Variants in LSMEM2 observed in about 807,000 individuals in gnomAD.
The protein encoded by LSMEM2 is leucine-rich single-pass membrane protein 2.
LSMEM2 carries 20 observed loss-of-function variants against 17.3 expected under a neutral mutation model. The observed-to-expected ratio is 1.16, with a 90% CI of 0.81 to 1.68. LSMEM2 has a LOEUF of 1.68. LSMEM2 is among the 40% of genes most tolerant of loss of function. The pLI is 0.00. For missense variants in LSMEM2, 207 were observed against 214.3 expected, an observed-to-expected ratio of 0.97 and a Z score of 0.21; for synonymous variants, 94 against 97.8, an observed-to-expected ratio of 0.96 and a Z score of 0.23.
chr3:50,281,001 C>A (rs1312108059), intron 1 of LSMEM2, among the ~76,000 whole-genome samples: 6 of 151,822 alleles, frequency 4.0e-5, no homozygotes, highest in African/African-American at 9.7e-5. Context: ...CTGTAATAAA[C>A]AATTCACATT....
rs1453639234 is a variant in LSMEM2, at chr3:50,287,248, A to G, written c.*46A>G. The G allele has an allele frequency of 6.2e-7, 1 of 1,608,276 alleles. No individual in the cohort carries two copies. Among genetic ancestry groups the G allele is most frequent in the Non-Finnish European group, 8.5e-7 (1 of 1,177,344 alleles). ...CCTGGGGGTGTGTGTTGGTGGGGGA[A>G]TAAAGTGGCTATGGGCAGGTCTCTC... is the stretch of plus-strand genomic sequence containing the variant. On this transcript the variant is annotated 3_prime_UTR_variant, in exon 4 of 4. Transcript: ENST00000316436.
chr3:50,285,875 C>G (rs1347519561), intron 1 of LSMEM2, among the ~76,000 whole-genome samples: 1 of 151,514 alleles, frequency 6.6e-6, no homozygotes. Flanking sequence ...CTGCAAACAA[C>G]CTAGATGCCC....
intron 1 of LSMEM2, among the ~76,000 whole-genome samples, chr3:50,280,595 CTTTTTTTTTTTT>C (rs58315474): frequency 2.9e-5 from 4 of 136,380 alleles, no homozygotes; most frequent in Non-Finnish European, 6.4e-5. Flanking sequence ...CCTTTCTTTT[CTTTTTTTTTTTT>C]TTTTGAGATG....
At chr3:50,279,007 C>G, upstream of LSMEM2, 1 of 1,166,076 alleles carries the variant, frequency 8.6e-7, no homozygotes, top group Non-Finnish European at 1.3e-6. Context: ...TAAATATAGC[C>G]CAGTGGGCTG....
chr3:50,282,331 A>G (rs1701421028), intron 1 of LSMEM2, among the ~76,000 whole-genome samples: 2 of 152,214 alleles, frequency 1.3e-5, no homozygotes, highest in African/African-American at 2.4e-5. Context: ...CCACCCAGAC[A>G]TAATGACTGG....
intron 3 of LSMEM2, 78 bp downstream of exon 3, chr3:50,286,940 G>T: frequency 1.3e-6 from 2 of 1,586,828 alleles, no homozygotes; most frequent in Non-Finnish European, 1.7e-6. Flanking sequence ...CAGCTGGAAG[G>T]AGTAACTGCA....
At chr3:50,280,300 A>T (rs587710168) in intron 1 of LSMEM2, among the ~76,000 whole-genome samples, 1 of 149,434 alleles carries the variant, frequency 6.7e-6, no homozygotes, top group East Asian at 2.0e-4. Context: ...GATTACAGGC[A>T]TGTGCTACCA....
upstream of LSMEM2, chr3:50,279,045 G>T: frequency 6.5e-7 from 1 of 1,540,588 alleles, no homozygotes; most frequent in Non-Finnish European, 9.0e-7. Flanking sequence ...GGCCAAGGCT[G>T]GGAGGCAGCC....
At chr3:50,279,295 C>T in intron 1 of LSMEM2, 124 bp downstream of exon 1, 1 of 863,462 alleles carries the variant, frequency 1.2e-6, no homozygotes, top group Non-Finnish European at 1.9e-6. Flanking sequence ...CATTTTCATG[C>T]TCCAGCTCCA....
chr3:50,279,033 T>A, upstream of LSMEM2: 1 of 1,480,456 alleles, frequency 6.8e-7, no homozygotes, highest in Middle Eastern at 1.9e-4. Flanking sequence ...AGGCCTATTT[T>A]AGGCCAAGGC....
intron 1 of LSMEM2, among the ~76,000 whole-genome samples, chr3:50,284,303 G>A (rs966941958): frequency 1.3e-5 from 2 of 151,424 alleles, no homozygotes; most frequent in Non-Finnish European, 2.9e-5. Flanking sequence ...CATCTCTCAA[G>A]TTAGCAAATA....
chr3:50,287,491 A>C lies in LSMEM2; in HGVS notation c.*289A>C. The C allele has an allele frequency of 2.1e-6, 1 of 469,292 alleles. No individual in the cohort carries two copies. The highest frequency in any genetic ancestry group is 2.4e-5 in the South Asian group (1 of 41,284). The allele number at this position is 469,292 out of a possible 1,614,324, so 29.1% of individuals were successfully genotyped here. On this transcript the variant is annotated 3_prime_UTR_variant, in exon 4 of 4. Transcript: ENST00000316436. ...TGTGGCCTGTCAACACTCTCTGGCC[A>C]CCCCAGATGGCAGGTTCTGAAGTCT...
chr3:50,278,726 A>T (rs1392867403), upstream of LSMEM2, among the ~76,000 whole-genome samples: 3 of 152,190 alleles, frequency 2.0e-5, no homozygotes, highest in Non-Finnish European at 2.9e-5. Context: ...AGGAGAGATG[A>T]CTGGGCTGTG....
intron 1 of LSMEM2, among the ~76,000 whole-genome samples, chr3:50,282,970 A>C (rs1701434016): frequency 6.7e-6 from 1 of 150,272 alleles, no homozygotes; most frequent in African/African-American, 2.5e-5. Flanking sequence ...GCAGATCACG[A>C]GGTCAAGAGA....
chr3:50,281,507 C>T (rs1341868512), intron 1 of LSMEM2, among the ~76,000 whole-genome samples: 1 of 151,482 alleles, frequency 6.6e-6, no homozygotes, highest in East Asian at 1.9e-4. Flanking sequence ...GGACTACAGG[C>T]GCCTGCCACC....
At chr3:50,278,175 C>T (rs958408444), upstream of LSMEM2, among the ~76,000 whole-genome samples, 3 of 152,130 alleles carry the variant, frequency 2.0e-5, no homozygotes, top group Non-Finnish European at 4.4e-5. Flanking sequence ...TGTGAGACAA[C>T]GGAGTGACAG....
chr3:50,287,492 C>T lies in LSMEM2; in HGVS notation c.*290C>T. ...GTGGCCTGTCAACACTCTCTGGCCA[C>T]CCCAGATGGCAGGTTCTGAAGTCTA... On this transcript the variant is annotated 3_prime_UTR_variant, in exon 4 of 4. Coordinates refer to ENST00000316436, the MANE Select transcript of LSMEM2 (RefSeq NM_153215.3). 1 of 470,536 alleles carries T rather than the reference C, an allele frequency of 2.1e-6. No homozygotes were observed. The highest frequency in any genetic ancestry group is 2.4e-5 in the South Asian group (1 of 42,282). 29.1% of individuals were successfully genotyped at this position (470,536 alleles called of 1,614,324 possible).
intron 1 of LSMEM2, 83 bp from the exon 2 acceptor site, chr3:50,286,388 A>G (rs1701526495): frequency 1.3e-6 from 2 of 1,490,992 alleles, no homozygotes; most frequent in Non-Finnish European, 1.8e-6. Context: ...TATCATCCGC[A>G]AGTCCTTGCT....
chr3:50,285,736 T>A (rs1302985512), intron 1 of LSMEM2, among the ~76,000 whole-genome samples: 1 of 152,130 alleles, frequency 6.6e-6, no homozygotes, highest in African/African-American at 2.4e-5. Flanking sequence ...AACCTTCATA[T>A]TCAACGGTGG....
Sources: gnomAD v4.1 joint callset for allele counts (sites outside exome capture counted in the v4.1 genomes callset) on GRCh38, gnomAD v4.1.1 for gene constraint, MANE v1.5 for transcripts, NCBI Gene and HGNC (gene_info 2026-07-23, HGNC 2026-07-21) for gene names.